Variants in DOK5 observed in about 807,000 individuals in gnomAD.
DOK5 encodes the protein downstream of tyrosine kinase 5.
In DOK5, 27 loss-of-function variants were observed where a neutral mutation model predicts 43.3. That is an observed-to-expected ratio of 0.62 (90% CI 0.46 to 0.86). DOK5 has a LOEUF of 0.86. Ranked by LOEUF, DOK5 falls within the 40% of genes least tolerant of loss-of-function variation. DOK5 has a pLI of 0.00. For missense variants in DOK5, 373 were observed against 392.9 expected (o/e 0.95, Z 0.43); for synonymous variants, 146 against 140.1 (o/e 1.04, Z -0.30).
At chr20:54,531,937 G>T (rs537683200) in intron 1 of DOK5, among the ~76,000 whole-genome samples, 120 of 152,304 alleles carry the variant, frequency 7.9e-4, no homozygotes, top group African/African-American at 2.7e-3. Flanking sequence ...GTTTGTTTAT[G>T]ATGGAGAAAG....
At chr20:54,586,492 T>C (rs1452417262) in intron 2 of DOK5, among the ~76,000 whole-genome samples, 1 of 152,154 alleles carries the variant, frequency 6.6e-6, no homozygotes, top group Non-Finnish European at 1.5e-5. Flanking sequence ...ATTATTGAGT[T>C]CTCAATATGT....
chr20:54,582,129 A>T (rs1334143248), intron 2 of DOK5, among the ~76,000 whole-genome samples: 1 of 151,744 alleles, frequency 6.6e-6, no homozygotes, highest in Non-Finnish European at 1.5e-5. Context: ...TGAGGTGATG[A>T]TATACTTTTC....
intron 2 of DOK5, among the ~76,000 whole-genome samples, chr20:54,563,877 GC>G (rs1296446477): frequency 6.6e-6 from 1 of 151,920 alleles, no homozygotes; most frequent in African/African-American, 2.4e-5. Context: ...CCTGAAAGCT[GC>G]CTTTAAAATT....
chr20:54,518,685 C>A (rs561538889), intron 1 of DOK5, among the ~76,000 whole-genome samples: 1 of 152,220 alleles, frequency 6.6e-6, no homozygotes, highest in East Asian at 1.9e-4. Flanking sequence ...TTCTAGATCC[C>A]TGAGGAATCG....
chr20:54,591,592 A>G (rs1416584919), intron 4 of DOK5, 24 bp from the exon 5 acceptor site: 3 of 1,531,938 alleles, frequency 2.0e-6, no homozygotes, highest in Non-Finnish European at 2.6e-6. Flanking sequence ...GGGATTTTAG[A>G]CTAACCTTTT....
At chr20:54,592,932 C>G (rs983947099) in intron 5 of DOK5, among the ~76,000 whole-genome samples, 1 of 152,076 alleles carries the variant, frequency 6.6e-6, no homozygotes, top group African/African-American at 2.4e-5. Flanking sequence ...AAACCATTAA[C>G]TTGTGATGTT....
At chr20:54,607,111 G>A (rs1172786814) in intron 5 of DOK5, among the ~76,000 whole-genome samples, 1 of 152,172 alleles carries the variant, frequency 6.6e-6, no homozygotes, top group African/African-American at 2.4e-5. Context: ...GGATCACCTG[G>A]CTGGCCTGCC....
intron 2 of DOK5, among the ~76,000 whole-genome samples, chr20:54,577,707 G>A (rs1243496667): frequency 6.6e-6 from 1 of 152,210 alleles, no homozygotes; most frequent in Admixed American, 6.5e-5. Flanking sequence ...TACATGAGGG[G>A]TCTGGATTGA....
chr20:54,549,265 G>A (rs1383600625), intron 1 of DOK5, among the ~76,000 whole-genome samples: 1 of 152,198 alleles, frequency 6.6e-6, no homozygotes, highest in Non-Finnish European at 1.5e-5. Context: ...TAGTCTCTAG[G>A]AATCTGCATA....
rs192254182 is a variant in DOK5 at position 54,509,241 on chromosome 20, G to T, written c.66+33229G>T. On this transcript the variant is annotated intron_variant, in intron 1 of 7. Transcript: ENST00000262593. ...GAGTCTTGTGCTGTCACCCAGCAAGGGTACAGTAGTGCAGTCATGGCTCAC... is the reference window on the plus strand; with the variant it reads ...GAGTCTTGTGCTGTCACCCAGCAAGTGTACAGTAGTGCAGTCATGGCTCAC... 3.2e-3 allele frequency among the ~76,000 whole-genome samples: 483 copies of T among 152,214 alleles called. 4 individuals are homozygous for T. Among genetic ancestry groups the T allele is most frequent in the African/African-American group, 0.011 (463 of 41,518 alleles).
intron 5 of DOK5, among the ~76,000 whole-genome samples, chr20:54,605,376 A>T (rs1412266711): frequency 6.6e-6 from 1 of 152,262 alleles, no homozygotes; most frequent in African/African-American, 2.4e-5. Flanking sequence ...CACTCAGTGC[A>T]TATGAACCAT....
At chr20:54,538,249 G>T (rs1984024803) in intron 1 of DOK5, among the ~76,000 whole-genome samples, 1 of 149,476 alleles carries the variant, frequency 6.7e-6, no homozygotes, top group South Asian at 2.1e-4. Context: ...AGAACCTATT[G>T]ATATTAAGGG....
At position 54,539,639 on chromosome 20, in the gene DOK5, C is replaced by A. The variant is rs1038190486; in HGVS notation, c.67-15294C>A. 2.6e-5 allele frequency among the ~76,000 whole-genome samples: 4 copies of A among 152,060 alleles called. No individual in the cohort carries two copies. In the East Asian group the frequency reaches 7.7e-4, roughly 29 times the overall value. On this transcript the variant is annotated intron_variant, in intron 1 of 7. Coordinates refer to ENST00000262593, the MANE Select transcript of DOK5 (RefSeq NM_018431.5). ...TCCCGCTTGCTCCAGAAGAATAAGC[C>A]CCAGATAGGCTATTGGAGAATCAGA...
chr20:54,608,138 A>T (rs1306110008), intron 5 of DOK5, among the ~76,000 whole-genome samples: 1 of 152,170 alleles, frequency 6.6e-6, no homozygotes, highest in Non-Finnish European at 1.5e-5. Context: ...CTTTGAAAGC[A>T]ACTAGATTGT....
intron 1 of DOK5, among the ~76,000 whole-genome samples, chr20:54,541,900 C>T (rs927525526): frequency 6.6e-6 from 1 of 152,078 alleles, no homozygotes; most frequent in Non-Finnish European, 1.5e-5. Context: ...CCACCTAGAG[C>T]CCACCTCCCT....
intron 1 of DOK5, among the ~76,000 whole-genome samples, chr20:54,488,566 T>C (rs1421891855): frequency 1.3e-5 from 2 of 152,196 alleles, no homozygotes; most frequent in Non-Finnish European, 2.9e-5. Context: ...GTTTTTCTTC[T>C]GTAAGAGAGG....
chr20:54,501,399 G>A (rs1048549639), intron 1 of DOK5, among the ~76,000 whole-genome samples: 1 of 149,596 alleles, frequency 6.7e-6, no homozygotes, highest in East Asian at 2.0e-4. Context: ...CCCGGGAGGC[G>A]GAGCTTGCAG....
At chr20:54,588,416 C>T in intron 2 of DOK5, 67 bp from the exon 3 acceptor site, 6 of 1,361,576 alleles carry the variant, frequency 4.4e-6, no homozygotes, top group African/African-American at 1.4e-5. Flanking sequence ...CGGGCCTCAC[C>T]TTTGGTGTTG....
intron 1 of DOK5, among the ~76,000 whole-genome samples, chr20:54,544,918 C>T (rs1014121738): frequency 6.6e-6 from 1 of 152,188 alleles, no homozygotes; most frequent in African/African-American, 2.4e-5. Flanking sequence ...AATCTTGTGA[C>T]TTCCAGAATC....
Sources: gnomAD v4.1 joint callset for allele counts (sites outside exome capture counted in the v4.1 genomes callset) on GRCh38, gnomAD v4.1.1 for gene constraint, MANE v1.5 for transcripts, NCBI Gene and HGNC (gene_info 2026-07-23, HGNC 2026-07-21) for gene names.